Variants in SRSF10 observed in about 807,000 individuals in gnomAD.
The protein encoded by SRSF10 is serine/arginine-rich splicing factor 10.
A neutral mutation model predicts 32.6 loss-of-function variants in SRSF10; 9 were observed. That is an observed-to-expected ratio of 0.28 (90% CI 0.17 to 0.48). The LOEUF is 0.48. Ranked by LOEUF, SRSF10 falls within the 20% of genes least tolerant of loss-of-function variation. SRSF10 has a pLI of 0.99. For missense variants in SRSF10, 201 were observed against 331.8 expected (o/e 0.61, Z 3.06); for synonymous variants, 105 against 112.4 (o/e 0.93, Z 0.42).
intron 2 of SRSF10, chr1:23,976,464 T>C (rs908204406): frequency 1.3e-5 from 2 of 152,220 alleles, no homozygotes; most frequent in African/African-American, 4.8e-5. Context: ...GTTCAGAACC[T>C]TGAATACTGT....
chr1:23,967,681 G>A lies in SRSF10; in HGVS notation c.*3461C>T. The A allele has an allele frequency of 6.3e-7, 1 of 1,588,470 alleles. No homozygotes were observed. Among genetic ancestry groups the A allele is most frequent in the Non-Finnish European group, 8.6e-7 (1 of 1,156,876 alleles). ...TCCGCTTTCAGATCTTTCTTGAAGT[G>A]TAGTAAGCAGAACTGTACTGGGTAT... On this transcript the variant is annotated 3_prime_UTR_variant, in exon 6 of 6. Coordinates refer to ENST00000492112, the MANE Select transcript of SRSF10 (RefSeq NM_054016.4).
At position 23,968,554 on chromosome 1, in the gene SRSF10, G is replaced by A. The variant is rs1453619822; in HGVS notation, c.*2588C>T. Among the ~76,000 whole-genome samples, 2 of 152,060 alleles carry A rather than the reference G, an allele frequency of 1.3e-5. No individual in the cohort carries two copies. The highest frequency in any genetic ancestry group is 4.8e-5 in the African/African-American group (2 of 41,402). On this transcript the variant is annotated 3_prime_UTR_variant, in exon 6 of 6. Coordinates refer to ENST00000492112, the MANE Select transcript of SRSF10 (RefSeq NM_054016.4). ...GTGAGTTAACACATAGCCTTTTCAA[G>A]TGTCTGGCACATCATGAATACTTAA...
chr1:23,979,080 T>A (rs1248767485), intron 1 of SRSF10: 5 of 158,742 alleles, frequency 3.1e-5, no homozygotes, highest in Non-Finnish European at 3.9e-5. Context: ...TTTTTACTTT[T>A]ACAGCATCAA....
rs1398726537 is a variant in SRSF10 at position 23,969,497 on chromosome 1, A to T, written c.*1645T>A. ...CCTTTAAACACATTCCACAAACAGTATTTAAAATCCATCGTTGTATTCTTT... is the reference window on the plus strand; with the variant it reads ...CCTTTAAACACATTCCACAAACAGTTTTTAAAATCCATCGTTGTATTCTTT... On this transcript the variant is annotated 3_prime_UTR_variant, in exon 6 of 6. Coordinates refer to ENST00000492112, the MANE Select transcript of SRSF10 (RefSeq NM_054016.4). 40 of 985,360 alleles carry T rather than the reference A, an allele frequency of 4.1e-5. No homozygotes were observed. The highest frequency in any genetic ancestry group is 4.6e-5 in the Non-Finnish European group (38 of 829,896). The allele number at this position is 985,360 out of a possible 1,614,324, so 61.0% of individuals were successfully genotyped here. A position where few individuals can be genotyped will look rare whatever the true frequency, so the allele number is the denominator to read the frequency against.
At position 23,967,340 on chromosome 1, in the gene SRSF10, G is replaced by A; in HGVS notation, c.*3802C>T. 4.3e-6 allele frequency: 1 copy of A among 233,946 alleles called. No homozygotes were observed. The highest frequency in any genetic ancestry group is 1.5e-3 in the Middle Eastern group (1 of 666). The allele number at this position is 233,946 out of a possible 1,614,324, so 14.5% of individuals were successfully genotyped here. A position where few individuals can be genotyped will look rare whatever the true frequency, so the allele number is the denominator to read the frequency against. On this transcript the variant is annotated 3_prime_UTR_variant, in exon 6 of 6. Coordinates refer to ENST00000492112, the MANE Select transcript of SRSF10 (RefSeq NM_054016.4). The stretch of plus-strand genomic sequence containing the variant: ...TTTGAGACAGACCAACAGAGGCACT[G>A]TAAGAGACTATGGCTGTCTTCCTTG...
Position 23,969,604 on chromosome 1 carries a change from G to C in SRSF10, c.*1538C>G. ...AATCGTTTGTCCATAATTCGTACTT[G>C]TATCTGTAAGCAAGCAATCTGAGAT... is the stretch of plus-strand genomic sequence containing the variant. On this transcript the variant is annotated 3_prime_UTR_variant, in exon 6 of 6. Transcript: ENST00000492112. 3.0e-6 allele frequency: 3 copies of C among 985,084 alleles called. No homozygotes were observed. The highest frequency in any genetic ancestry group is 3.6e-6 in the Non-Finnish European group (3 of 829,644). 61.0% of individuals were successfully genotyped at this position (985,084 alleles called of 1,614,324 possible).
chr1:23,979,057 G>GTTTTTTTTTTTTTTTTTTTTT (rs71655401), intron 1 of SRSF10: 1 of 133,982 alleles, frequency 7.5e-6, no homozygotes, highest in African/African-American at 2.7e-5. Context: ...TATAAGCCTT[G>GTTTTTTTTTTTTTTTTTTTTT]TTTTTTTTTT....
rs1173261634 is a variant in SRSF10, at chr1:23,969,716, T to G, written c.*1426A>C. The G allele has an allele frequency of 1.1e-5, 11 of 985,372 alleles. No homozygotes were observed. Among genetic ancestry groups the G allele is most frequent in the Non-Finnish European group, 1.3e-5 (11 of 829,840 alleles). 61.0% of individuals were successfully genotyped at this position (985,372 alleles called of 1,614,324 possible). ...CCAAAACGATCTTTCAGAGAAATAC[T>G]AGAAATTATAAATGGTTTAAGGGTA... On this transcript the variant is annotated 3_prime_UTR_variant, in exon 6 of 6. Coordinates refer to ENST00000492112, the MANE Select transcript of SRSF10 (RefSeq NM_054016.4).
Position 23,971,843 on chromosome 1 carries a change from C to T in SRSF10, c.437+7G>A. ...AAACAGATCACTGTGCTACACAGCA[C>T]ACTTACTTTCTAGGACTATACGATC... On this transcript the variant is annotated splice_region_variant and intron_variant, in intron 4 of 5. Coordinates refer to ENST00000492112, the MANE Select transcript of SRSF10 (RefSeq NM_054016.4). 6.2e-7 allele frequency: 1 copy of T among 1,600,586 alleles called. No homozygotes were observed. Among genetic ancestry groups the T allele is most frequent in the Non-Finnish European group, 8.5e-7 (1 of 1,176,242 alleles).
At chr1:23,974,502 T>TA (rs1327583266) in intron 3 of SRSF10, among the ~76,000 whole-genome samples, 1 of 152,158 alleles carries the variant, frequency 6.6e-6, no homozygotes, top group Non-Finnish European at 1.5e-5. Flanking sequence ...CATGATGAAA[T>TA]ATTCAAGATA....
At chr1:23,978,688 A>T in intron 2 of SRSF10, 25 bp downstream of exon 2, 1 of 1,604,936 alleles carries the variant, frequency 6.2e-7, no homozygotes, top group South Asian at 1.1e-5. Flanking sequence ...ACCCCTCACT[A>T]ATCAGCCATC....
chr1:23,969,384 T>C lies in SRSF10; in HGVS notation c.*1758A>G. On this transcript the variant is annotated 3_prime_UTR_variant, in exon 6 of 6. Transcript: ENST00000492112. ...TTAAAGAAACGTGCATATAAACGATTGCATAGCAGAACATGAACATTAACT... is the reference window on the plus strand; with the variant it reads ...TTAAAGAAACGTGCATATAAACGATCGCATAGCAGAACATGAACATTAACT... 1.0e-6 allele frequency: 1 copy of C among 985,738 alleles called. No homozygotes were observed. The highest frequency in any genetic ancestry group is 1.2e-6 in the Non-Finnish European group (1 of 829,828). The allele number at this position is 985,738 out of a possible 1,614,324, so 61.1% of individuals were successfully genotyped here.
At position 23,968,837 on chromosome 1, in the gene SRSF10, C is replaced by G. The variant is rs904226455; in HGVS notation, c.*2305G>C. Reference sequence around the variant, plus strand: ...TTTCATCTTAACACTACCAAATAACCTCTTAAGTTAGTTAACCCAAGAGGC... The same window carrying G: ...TTTCATCTTAACACTACCAAATAACGTCTTAAGTTAGTTAACCCAAGAGGC... On this transcript the variant is annotated 3_prime_UTR_variant, in exon 6 of 6. Coordinates refer to ENST00000492112, the MANE Select transcript of SRSF10 (RefSeq NM_054016.4). Among the ~76,000 whole-genome samples the G allele has an allele frequency of 3.4e-4, 52 of 152,234 alleles. No individual in the cohort carries two copies. The highest frequency in any genetic ancestry group is 1.2e-3 in the African/African-American group (51 of 41,550).
chr1:23,975,523 T>C (rs1642034727), intron 2 of SRSF10: 1 of 157,126 alleles, frequency 6.4e-6, no homozygotes, highest in Non-Finnish European at 1.4e-5. Context: ...ATAGTTCTTG[T>C]GTAAGCAAGC....
intron 1 of SRSF10, among the ~76,000 whole-genome samples, chr1:23,979,868 G>GA (rs1282636574): frequency 4.3e-5 from 2 of 46,462 alleles, no homozygotes; most frequent in South Asian, 1.2e-3. Flanking sequence ...TCAAATCAAT[G>GA]GGGGGCGGCC....
At position 23,970,734 on chromosome 1, in the gene SRSF10, G is replaced by A. The variant is rs112976805; in HGVS notation, c.*408C>T. 100 of 1,009,320 alleles carry A rather than the reference G, an allele frequency of 9.9e-5. No homozygotes were observed. The African/African-American group carries it at 1.6e-3, about 16-fold the overall frequency. 62.5% of individuals were successfully genotyped at this position (1,009,320 alleles called of 1,614,324 possible). A position where few individuals can be genotyped will look rare whatever the true frequency, so the allele number is the denominator to read the frequency against. ...GTCTGAGCAGTCAGTGTTGTACTGT[G>A]GCTACTACTTCACTTTTGTATCATT... On this transcript the variant is annotated 3_prime_UTR_variant, in exon 6 of 6. Coordinates refer to ENST00000492112, the MANE Select transcript of SRSF10 (RefSeq NM_054016.4).
chr1:23,978,025 G>T, intron 2 of SRSF10: 2 of 985,366 alleles, frequency 2.0e-6, no homozygotes, highest in Non-Finnish European at 2.4e-6. Context: ...ATGACAGATG[G>T]CTTTATCTTT....
chr1:23,969,183 T>A lies in SRSF10; in HGVS notation c.*1959A>T, dbSNP rs1199778009. ...CCAAACATTGATGTTTTAAAGGTTG[T>A]ACACAATATTTGTTAAAAAGAACAT... is the stretch of plus-strand genomic sequence containing the variant. On this transcript the variant is annotated 3_prime_UTR_variant, in exon 6 of 6. Coordinates refer to ENST00000492112, the MANE Select transcript of SRSF10 (RefSeq NM_054016.4). The A allele has an allele frequency of 2.0e-6, 2 of 984,832 alleles. No homozygotes were observed. Among genetic ancestry groups the A allele is most frequent in the African/African-American group, 3.5e-5 (2 of 57,218 alleles). The allele number at this position is 984,832 out of a possible 1,614,324, so 61.0% of individuals were successfully genotyped here.
In SRSF10 at chr1:23,966,016, ACT is replaced by A. The variant is rs1181365358; in HGVS notation, c.*5124_*5125del. 4 of 151,854 alleles carry A rather than the reference ACT, an allele frequency of 2.6e-5. No individual in the cohort carries two copies. The highest frequency in any genetic ancestry group is 9.7e-5 in the African/African-American group (4 of 41,398). The allele number at this position is 151,854 out of a possible 1,614,324, so 9.4% of individuals were successfully genotyped here. ...TTTGTAATTAAATCTAGTCACTTTG[ACT>A]CTAAGTAAATTCTAGATCCCATTAT... On this transcript the variant is annotated 3_prime_UTR_variant, in exon 6 of 6. Transcript: ENST00000492112.
Sources: allele counts gnomAD v4.1 joint callset (sites outside exome capture counted in the v4.1 genomes callset), GRCh38; gene constraint gnomAD v4.1.1; transcripts MANE v1.5; gene names NCBI Gene and HGNC (gene_info 2026-07-23, HGNC 2026-07-21).